Variants in POU4F1 observed in about 807,000 individuals in gnomAD.
The protein encoded by POU4F1 is POU domain, class 4, transcription factor 1.
Under a neutral mutation model 19.8 loss-of-function variants are expected in POU4F1, and 5 were observed. The observed-to-expected ratio is 0.25, with a 90% CI of 0.13 to 0.53. The LOEUF is 0.53. POU4F1 is among the 20% of genes least tolerant of loss of function. POU4F1 has a pLI of 0.96. For synonymous variants in POU4F1, 266 were observed against 247.7 expected (o/e 1.07, Z -0.69); for missense variants, 408 against 511.6 (o/e 0.80, Z 1.95).
rs1354644230 is a variant in POU4F1 at position 78,599,559 on chromosome 13, A to G, written c.*1856T>C. On this transcript the variant is annotated 3_prime_UTR_variant, in exon 2 of 2. Transcript: ENST00000377208. ...CAGTTTAGTGCTCAGTTTCAAATGC[A>G]TAGAATGTTTGCCCTGCAAACAATG... is the stretch of plus-strand genomic sequence containing the variant. 1 of 152,666 alleles carries G rather than the reference A, an allele frequency of 6.6e-6. No homozygotes were observed. The highest frequency in any genetic ancestry group is 1.5e-5 in the Non-Finnish European group (1 of 68,048). The allele number at this position is 152,666 out of a possible 1,614,324, so 9.5% of individuals were successfully genotyped here. A position where few individuals can be genotyped will look rare whatever the true frequency, so the allele number is the denominator to read the frequency against.
rs1874777058 is a variant in POU4F1 at position 78,603,055 on chromosome 13, C to G, written c.123+149G>C. The G allele has an allele frequency of 1.2e-5, 7 of 596,936 alleles. No individual in the cohort carries two copies. The East Asian group carries it at 1.8e-4, about 15-fold the overall frequency. The allele number at this position is 596,936 out of a possible 1,614,324, so 37.0% of individuals were successfully genotyped here. A position where few individuals can be genotyped will look rare whatever the true frequency, so the allele number is the denominator to read the frequency against. On this transcript the variant is annotated intron_variant, in intron 1 of 1. Coordinates refer to ENST00000377208, the MANE Select transcript of POU4F1 (RefSeq NM_006237.4). Reference sequence around the variant, plus strand: ...GAACACGACATTAAGGGCCGCCGGACAAAACGTGCCTCGCTGCGGGACTGC... The same window carrying G: ...GAACACGACATTAAGGGCCGCCGGAGAAAACGTGCCTCGCTGCGGGACTGC...
In POU4F1 at chr13:78,599,204, T is replaced by C. The variant is rs574967406; in HGVS notation, c.*2211A>G. 6.5e-6 allele frequency: 1 copy of C among 152,744 alleles called. No individual in the cohort carries two copies. Among genetic ancestry groups the C allele is most frequent in the Non-Finnish European group, 1.5e-5 (1 of 68,026 alleles). 9.5% of individuals were successfully genotyped at this position (152,744 alleles called of 1,614,324 possible). A position where few individuals can be genotyped will look rare whatever the true frequency, so the allele number is the denominator to read the frequency against. ...CTTTCAGTTATGTTTTATTTGTAAG[T>C]GTACTGGGACACATCCCCCTGTTGT... On this transcript the variant is annotated 3_prime_UTR_variant, in exon 2 of 2. Coordinates refer to ENST00000377208, the MANE Select transcript of POU4F1 (RefSeq NM_006237.4).
In POU4F1 at chr13:78,599,954, C is replaced by T. The variant is rs918217237; in HGVS notation, c.*1461G>A. ...AGTTCTTGCTACCCAACATTTATCC[C>T]CTGTAATAAATGACTCTTGAATAAT... On this transcript the variant is annotated 3_prime_UTR_variant, in exon 2 of 2. Transcript: ENST00000377208. 3.3e-5 allele frequency: 5 copies of T among 152,534 alleles called. No homozygotes were observed. Among genetic ancestry groups the T allele is most frequent in the African/African-American group, 9.7e-5 (4 of 41,390 alleles). 9.4% of individuals were successfully genotyped at this position (152,534 alleles called of 1,614,324 possible).
In POU4F1 at chr13:78,601,243, G is replaced by A. The variant is rs978308467; in HGVS notation, c.*172C>T. 1.7e-6 allele frequency: 2 copies of A among 1,158,134 alleles called. No homozygotes were observed. Among genetic ancestry groups the A allele is most frequent in the South Asian group, 3.1e-5 (2 of 63,976 alleles). The allele number at this position is 1,158,134 out of a possible 1,614,324, so 71.7% of individuals were successfully genotyped here. A position where few individuals can be genotyped will look rare whatever the true frequency, so the allele number is the denominator to read the frequency against. Reference sequence around the variant, plus strand: ...CCCCAGTCCTCAAGGCTAGGGGACAGCAAAGGCAGGAAAATCAGAGAATGG... The same window carrying A: ...CCCCAGTCCTCAAGGCTAGGGGACAACAAAGGCAGGAAAATCAGAGAATGG... On this transcript the variant is annotated 3_prime_UTR_variant, in exon 2 of 2. Coordinates refer to ENST00000377208, the MANE Select transcript of POU4F1 (RefSeq NM_006237.4).
At position 78,603,263 on chromosome 13, in the gene POU4F1, A is replaced by G; in HGVS notation, c.64T>C (p.Tyr22His). 1 of 1,576,200 alleles carries G rather than the reference A, an allele frequency of 6.3e-7. No individual in the cohort carries two copies. Among genetic ancestry groups the G allele is most frequent in the Non-Finnish European group, 8.6e-7 (1 of 1,162,704 alleles). The change falls in exon 1 of 2, where the codon TAC (tyrosine) becomes CAC (histidine). Residue 22 changes from tyrosine (Y) to histidine (H), a missense_variant. Tyr to His is a moderately conservative substitution (Grantham distance 83). Coordinates refer to ENST00000377208, the MANE Select transcript of POU4F1 (RefSeq NM_006237.4). ...TCGGAGCTGGAGTGCAGCGACGGGT[A>G]CTTGTGCTCAGGGAGGGTGGGATGC... ...AMHPTLPEHK[Y>H]PSLHSSSEAI...
Position 78,598,947 on chromosome 13 carries a change from A to G in POU4F1, c.*2468T>C, listed in dbSNP as rs1487445325. 1 of 152,238 alleles carries G rather than the reference A, an allele frequency of 6.6e-6. No individual in the cohort carries two copies. Among genetic ancestry groups the G allele is most frequent in the Non-Finnish European group, 1.5e-5 (1 of 68,036 alleles). The allele number at this position is 152,238 out of a possible 1,614,324, so 9.4% of individuals were successfully genotyped here. On this transcript the variant is annotated 3_prime_UTR_variant, in exon 2 of 2. Transcript: ENST00000377208. Reference sequence around the variant, plus strand: ...ACTTTTATAAACACAGGCAACTAATATAGAATTCATTTTATTTAGAGCACC... The same window carrying G: ...ACTTTTATAAACACAGGCAACTAATGTAGAATTCATTTTATTTAGAGCACC...
rs763743520 is a variant in POU4F1 at position 78,601,921 on chromosome 13, C to A, written c.754G>T (p.Ala252Ser). The A allele has an allele frequency of 1.1e-4, 149 of 1,336,078 alleles. No homozygotes were observed. Among genetic ancestry groups the A allele is most frequent in the South Asian group, 2.5e-4 (12 of 48,634 alleles). The allele number at this position is 1,336,078 out of a possible 1,614,324, so 82.8% of individuals were successfully genotyped here. The part of the protein sequence containing the change: ...AASAAAAVVG[A>S]AGLASICDSD... ...TCGCAGATGGACGCCAGGCCCGCTG[C>A]GCCCACCACGGCCGCCGCCGCCGAT... Residue 252 changes from alanine (A) to serine (S), a missense_variant, in exon 2 of 2, where the codon GCA (alanine) becomes TCA (serine). Ala to Ser is a moderately conservative substitution (Grantham distance 99, BLOSUM62 1). Transcript: ENST00000377208.
chr13:78,601,902 A>G lies in POU4F1; in HGVS notation c.773T>C (p.Ile258Thr). Reference sequence around the variant, plus strand: ...GCGCGGGTCCGTGTCCGAGTCGCAGATGGACGCCAGGCCCGCTGCGCCCAC... The same window carrying G: ...GCGCGGGTCCGTGTCCGAGTCGCAGGTGGACGCCAGGCCCGCTGCGCCCAC... ...AVVGAAGLAS[I>T]CDSDTDPREL... is the part of the protein sequence containing the mutation. Residue 258 changes from isoleucine to threonine, a missense_variant, in exon 2 of 2, where the codon ATC (isoleucine) becomes ACC (threonine). Ile to Thr is a moderately conservative substitution (Grantham distance 89, BLOSUM62 -1). This residue lies in a region of POU4F1 where 294 missense variants were observed against 288.2 expected (regional missense o/e 1.02). Coordinates refer to ENST00000377208, the MANE Select transcript of POU4F1 (RefSeq NM_006237.4). 1 of 1,523,856 alleles carries G rather than the reference A, an allele frequency of 6.6e-7. No homozygotes were observed. The highest frequency in any genetic ancestry group is 1.2e-5 in the South Asian group (1 of 83,186). 94.4% of individuals were successfully genotyped at this position (1,523,856 alleles called of 1,614,324 possible).
Position 78,602,054 on chromosome 13 carries a change from G to C in POU4F1, c.621C>G (p.Ala207=). 1 of 475,170 alleles carries C rather than the reference G, an allele frequency of 2.1e-6. No homozygotes were observed. Among genetic ancestry groups the C allele is most frequent in the Non-Finnish European group, 2.7e-6 (1 of 366,264 alleles). 29.4% of individuals were successfully genotyped at this position (475,170 alleles called of 1,614,324 possible). Residue 207 remains alanine, a synonymous_variant, in exon 2 of 2, where the codon GCC becomes GCG. Transcript: ENST00000377208. ...GHLSHPAAAA[A]MNMPSGLPHP... ...GCGGCAGCCCGGACGGCATGTTCAT[G>C]GCGGCCGCCGCCGCGGGGTGCGACA...
chr13:78,602,763 G>A lies in POU4F1; in HGVS notation c.124-212C>T, dbSNP rs1163666737. 2.3e-5 allele frequency among the ~76,000 whole-genome samples: 3 copies of A among 133,214 alleles called. No homozygotes were observed. The Admixed American group carries it at 2.4e-4, about 11-fold the overall frequency. The allele number at this position is 133,214 out of a possible 152,430, so 87.4% of individuals were successfully genotyped here. ...AGGGAGGGGGCAGACGAGAAGGGAT[G>A]GGAGCGTGGAGAGGGGGACAGAAGT... is the stretch of plus-strand genomic sequence containing the variant. On this transcript the variant is annotated intron_variant, in intron 1 of 1. Transcript: ENST00000377208.
Position 78,602,373 on chromosome 13 carries a change from TGG to T in POU4F1, c.300_301del (p.His100GlnfsTer248). On this transcript the variant is annotated frameshift_variant, in exon 2 of 2. Coordinates refer to ENST00000377208, the MANE Select transcript of POU4F1 (RefSeq NM_006237.4). LOFTEE classifies it high-confidence loss of function. ...CTGGTGGTGGTGGTGGTGGTGGTGG[TGG>T]TGCGCCAGAGGCACCGTGGAAGTGG... is the stretch of plus-strand genomic sequence containing the variant. 6.6e-7 allele frequency: 1 copy of T among 1,519,298 alleles called. No homozygotes were observed. 94.1% of individuals were successfully genotyped at this position (1,519,298 alleles called of 1,614,324 possible).
rs1476295622 is a variant in POU4F1 at position 78,602,449 on chromosome 13, A to G, written c.226T>C (p.Phe76Leu). Residue 76 changes from phenylalanine (F) to leucine (L), a missense_variant, in exon 2 of 2, where the codon TTC (phenylalanine) becomes CTC (leucine). By Grantham distance (22) the Phe-to-Leu change is conservative. Transcript: ENST00000377208. ...IAVSQGKSHP[F>L]KPDATYHTMN... ...GTGTGGTACGTGGCGTCCGGCTTGA[A>G]AGGATGGCTCTTGCCCTGGGACACG... The G allele has an allele frequency of 6.2e-7, 1 of 1,601,182 alleles. No individual in the cohort carries two copies. Among genetic ancestry groups the G allele is most frequent in the Non-Finnish European group, 8.5e-7 (1 of 1,175,328 alleles).
rs1874627262 is a variant in POU4F1, at chr13:78,599,859, AAG to A, written c.*1554_*1555del. 2 of 152,734 alleles carry A rather than the reference AAG, an allele frequency of 1.3e-5. No individual in the cohort carries two copies. Among genetic ancestry groups the A allele is most frequent in the East Asian group, 1.9e-4 (1 of 5,192 alleles). 9.5% of individuals were successfully genotyped at this position (152,734 alleles called of 1,614,324 possible). On this transcript the variant is annotated 3_prime_UTR_variant, in exon 2 of 2. Coordinates refer to ENST00000377208, the MANE Select transcript of POU4F1 (RefSeq NM_006237.4). The stretch of plus-strand genomic sequence containing the variant: ...TTTTTAAAATCCACCAGCAGCTTGT[AAG>A]GTACCTGATTATTACTATGAAATAC...
Position 78,598,473 on chromosome 13 carries a change from T to C in POU4F1, c.*2942A>G, listed in dbSNP as rs1248650322. The C allele has an allele frequency of 1.4e-5, 2 of 142,452 alleles. No homozygotes were observed. The highest frequency in any genetic ancestry group is 2.6e-5 in the African/African-American group (1 of 38,254). 8.8% of individuals were successfully genotyped at this position (142,452 alleles called of 1,614,324 possible). A position where few individuals can be genotyped will look rare whatever the true frequency, so the allele number is the denominator to read the frequency against. On this transcript the variant is annotated 3_prime_UTR_variant, in exon 2 of 2. Coordinates refer to ENST00000377208, the MANE Select transcript of POU4F1 (RefSeq NM_006237.4). ...TATGTTTAAAAATACCTCTAGTGCT[T>C]TTTTTTTTTAACATTAACAACTGTT...
chr13:78,601,045 C>A lies in POU4F1; in HGVS notation c.*370G>T. 3.7e-6 allele frequency: 1 copy of A among 273,388 alleles called. No homozygotes were observed. The highest frequency in any genetic ancestry group is 5.5e-5 in the South Asian group (1 of 18,036). The allele number at this position is 273,388 out of a possible 1,614,324, so 16.9% of individuals were successfully genotyped here. A position where few individuals can be genotyped will look rare whatever the true frequency, so the allele number is the denominator to read the frequency against. ...GGATATTTAGGTAAGTGTCTCTGGT[C>A]AGAAACAGTCCATTTTCCTACCCTT... On this transcript the variant is annotated 3_prime_UTR_variant, in exon 2 of 2. Coordinates refer to ENST00000377208, the MANE Select transcript of POU4F1 (RefSeq NM_006237.4).
Position 78,600,654 on chromosome 13 carries a change from A to ATAGGCCTCCAATGGAG in POU4F1, c.*760_*761insCTCCATTGGAGGCCTA, listed in dbSNP as rs1874655168. 1 of 152,262 alleles carries ATAGGCCTCCAATGGAG rather than the reference A, an allele frequency of 6.6e-6. No homozygotes were observed. The highest frequency in any genetic ancestry group is 2.4e-5 in the African/African-American group (1 of 41,454). 9.4% of individuals were successfully genotyped at this position (152,262 alleles called of 1,614,324 possible). On this transcript the variant is annotated 3_prime_UTR_variant, in exon 2 of 2. Coordinates refer to ENST00000377208, the MANE Select transcript of POU4F1 (RefSeq NM_006237.4). Reference sequence around the variant, plus strand: ...CACTCACTTCCCGGGATTGGAGAGCAGCCATAGGCCTCTCATTGGAACGGA... The same window carrying ATAGGCCTCCAATGGAG: ...CACTCACTTCCCGGGATTGGAGAGCATAGGCCTCCAATGGAGGCCATAGGCCTCTCATTGGAACGGA...
chr13:78,601,937 C>T lies in POU4F1; in HGVS notation c.738G>A (p.Ala246=), dbSNP rs1874713721. The change falls in exon 2 of 2, where the codon GCG becomes GCA. Residue 246 remains alanine, a synonymous_variant. Coordinates refer to ENST00000377208, the MANE Select transcript of POU4F1 (RefSeq NM_006237.4). ...GGCCCGCTGCGCCCACCACGGCCGC[C>T]GCCGCCGATGCCGCTGCCACCTGCC... ...AAGQVAAASA[A]AAVVGAAGLA... is the part of the protein sequence containing the mutation. 3 of 1,264,382 alleles carry T rather than the reference C, an allele frequency of 2.4e-6. No individual in the cohort carries two copies. The highest frequency in any genetic ancestry group is 3.1e-5 in the East Asian group (1 of 32,000). 78.3% of individuals were successfully genotyped at this position (1,264,382 alleles called of 1,614,324 possible).
chr13:78,601,312 G>A lies in POU4F1; in HGVS notation c.*103C>T. 3 of 1,530,500 alleles carry A rather than the reference G, an allele frequency of 2.0e-6. No individual in the cohort carries two copies. The highest frequency in any genetic ancestry group is 2.5e-5 in the South Asian group (2 of 80,006). 94.8% of individuals were successfully genotyped at this position (1,530,500 alleles called of 1,614,324 possible). ...GAAGGGACTCCCCAAATGCAGGCAG[G>A]ATAACGGACACTCCAAATCCGAGGG... is the stretch of plus-strand genomic sequence containing the variant. On this transcript the variant is annotated 3_prime_UTR_variant, in exon 2 of 2. Transcript: ENST00000377208.
rs1268898073 is a variant in POU4F1 at position 78,598,580 on chromosome 13, G to A, written c.*2835C>T. 1 of 151,854 alleles carries A rather than the reference G, an allele frequency of 6.6e-6. No individual in the cohort carries two copies. Among genetic ancestry groups the A allele is most frequent in the African/African-American group, 2.4e-5 (1 of 41,336 alleles). 9.4% of individuals were successfully genotyped at this position (151,854 alleles called of 1,614,324 possible). The stretch of plus-strand genomic sequence containing the variant: ...ACAGATTTGCCGGTGAAATTAAAAA[G>A]ATTTGGCTAAAATAAGATGACTTCA... On this transcript the variant is annotated 3_prime_UTR_variant, in exon 2 of 2. Coordinates refer to ENST00000377208, the MANE Select transcript of POU4F1 (RefSeq NM_006237.4).
Sources: allele counts gnomAD v4.1 joint callset (sites outside exome capture counted in the v4.1 genomes callset), GRCh38; gene constraint gnomAD v4.1.1; regional missense constraint gnomAD v4.1.1; transcripts MANE v1.5; gene names NCBI Gene and HGNC (gene_info 2026-07-23, HGNC 2026-07-21).